Variants in HS6ST2 observed in about 807,000 individuals in gnomAD.
HS6ST2 encodes the protein heparan-sulfate 6-O-sulfotransferase 2.
A neutral mutation model predicts 33.0 loss-of-function variants in HS6ST2; 17 were observed. That is an observed-to-expected ratio of 0.52 (90% CI 0.35 to 0.77). The LOEUF is 0.77. HS6ST2 is among the 30% of genes least tolerant of loss of function. The pLI is 0.01. For missense variants in HS6ST2, 519 were observed against 551.7 expected (o/e 0.94, Z 0.59); for synonymous variants, 248 against 237.1 (o/e 1.05, Z -0.42).
In HS6ST2 at chrX:132,807,719, G is replaced by A. The variant is rs142683675; in HGVS notation, c.948-99225C>T. Among the ~76,000 whole-genome samples, 377 of 112,140 alleles carry A rather than the reference G, an allele frequency of 3.4e-3. 1 individual carries two copies. The highest frequency in any genetic ancestry group is 0.018 in the Middle Eastern group (4 of 217). On this transcript the variant is annotated intron_variant, in intron 2 of 4. Coordinates refer to ENST00000370833, the MANE Select transcript of HS6ST2 (RefSeq NM_001394073.1). ...AAAACTCTAGGAAAAGAAAAGTCAC[G>A]AGGCACGATTTTGGCTGAAATGCAA... is the stretch of plus-strand genomic sequence containing the variant.
rs775724295 is a variant in HS6ST2, at chrX:132,944,384, C to A, written c.947+12424G>T. On this transcript the variant is annotated intron_variant, in intron 2 of 4. Transcript: ENST00000370833. The stretch of plus-strand genomic sequence containing the variant: ...CAAACAAATGGAAGAACATTCCATG[C>A]TCATGGATAGGAAGAATCAATATTG... Among the ~76,000 whole-genome samples the A allele has an allele frequency of 2.2e-4, 24 of 111,584 alleles. No individual in the cohort carries two copies. The South Asian group carries it at 7.7e-3, about 36-fold the overall frequency.
At chrX:132,909,506 T>C (rs1162690364) in intron 2 of HS6ST2, among the ~76,000 whole-genome samples, 1 of 112,378 alleles carries the variant, frequency 8.9e-6, no homozygotes, top group Non-Finnish European at 1.9e-5. Flanking sequence ...TTAAGAGCTA[T>C]TGATTGGAAC....
intron 2 of HS6ST2, among the ~76,000 whole-genome samples, chrX:132,865,324 T>G (rs1362350338): frequency 9.0e-6 from 1 of 111,059 alleles, no homozygotes; most frequent in Admixed American, 9.6e-5. Flanking sequence ...TTTTTATGGC[T>G]GCATAGTATT....
intron 2 of HS6ST2, among the ~76,000 whole-genome samples, chrX:132,860,326 G>A (rs928890799): frequency 3.6e-5 from 4 of 112,066 alleles, no homozygotes; most frequent in Admixed American, 9.4e-5. Flanking sequence ...GGTATTTCAT[G>A]TTCATAAAAC....
At chrX:132,740,159 T>C (rs2064556179) in intron 2 of HS6ST2, among the ~76,000 whole-genome samples, 1 of 112,323 alleles carries the variant, frequency 8.9e-6, no homozygotes, top group African/African-American at 3.2e-5. Context: ...TCGTCAACCC[T>C]GGGAATTTTG....
intron 2 of HS6ST2, among the ~76,000 whole-genome samples, chrX:132,773,132 T>C (rs1181294640): frequency 2.0e-5 from 2 of 98,591 alleles, no homozygotes; most frequent in South Asian, 4.3e-4. Flanking sequence ...GATATTAATA[T>C]ATTAATCATG....
chrX:132,815,536 T>C (rs998724231), intron 2 of HS6ST2, among the ~76,000 whole-genome samples: 9 of 112,177 alleles, frequency 8.0e-5, no homozygotes, highest in African/African-American at 2.6e-4. Flanking sequence ...GAAGTTTGTA[T>C]TGTAATTAAC....
At chrX:132,802,239 A>T (rs949341229) in intron 2 of HS6ST2, among the ~76,000 whole-genome samples, 3 of 111,814 alleles carry the variant, frequency 2.7e-5, no homozygotes, top group African/African-American at 9.8e-5. Flanking sequence ...GAAAAATGAA[A>T]CCTTGGTTAT....
chrX:132,812,583 T>TG (rs35783156), intron 2 of HS6ST2, among the ~76,000 whole-genome samples: 1,115 of 99,991 alleles, frequency 0.011, 10 homozygotes, highest in Middle Eastern at 0.015. Context: ...TTTTTTTTTT[T>TG]GGGGGGGGGA....
At chrX:132,935,316 A>G in intron 2 of HS6ST2, among the ~76,000 whole-genome samples, 1 of 43 alleles carries the variant, frequency 0.023, no homozygotes, top group Admixed American at 0.17. Context: ...TCAGATGCAC[A>G]CAGACATTCT....
intron 2 of HS6ST2, among the ~76,000 whole-genome samples, chrX:132,928,997 A>T (rs1351591333): frequency 9.0e-6 from 1 of 111,633 alleles, no homozygotes; most frequent in East Asian, 2.8e-4. Flanking sequence ...ACTCTCCAAA[A>T]CCAAATGCCT....
intron 2 of HS6ST2, among the ~76,000 whole-genome samples, chrX:132,734,528 T>A (rs774292342): frequency 6.2e-5 from 7 of 112,129 alleles, no homozygotes; most frequent in Non-Finnish European, 1.3e-4. Context: ...TCACTCCCAC[T>A]TGTGAACTCT....
In HS6ST2 at chrX:132,719,775, G is replaced by A. The variant is rs899343887; in HGVS notation, c.948-11281C>T. On this transcript the variant is annotated intron_variant, in intron 2 of 4. Transcript: ENST00000370833. ...CATCTGCAAACCCAGATCTGACAAA[G>A]CCTTGGCTGATGCCTGATTCTCACT... Among the ~76,000 whole-genome samples, 3 of 112,607 alleles carry A rather than the reference G, an allele frequency of 2.7e-5. 1 individual carries two copies. The highest frequency in any genetic ancestry group is 9.4e-5 in the Admixed American group (1 of 10,684).
intron 4 of HS6ST2, among the ~76,000 whole-genome samples, chrX:132,654,046 T>C (rs933327231): frequency 1.1e-4 from 12 of 111,587 alleles, no homozygotes; most frequent in Non-Finnish European, 1.7e-4. Flanking sequence ...TCTGGGAATC[T>C]ACTACACAGC....
At chrX:132,843,882 T>C (rs745690773) in intron 2 of HS6ST2, among the ~76,000 whole-genome samples, 76 of 111,910 alleles carry the variant, frequency 6.8e-4, no homozygotes, top group Admixed American at 3.8e-3. Flanking sequence ...ATACAAATTG[T>C]GTCCTTATAT....
chrX:132,632,165 G>A (rs2063522656), intron 4 of HS6ST2, among the ~76,000 whole-genome samples: 1 of 111,372 alleles, frequency 9.0e-6, no homozygotes, highest in Admixed American at 9.5e-5. Flanking sequence ...GGTGATAACA[G>A]CCACCTAGAC....
chrX:132,874,566 C>T (rs1569499548), intron 2 of HS6ST2, among the ~76,000 whole-genome samples: 1 of 111,535 alleles, frequency 9.0e-6, no homozygotes, highest in Non-Finnish European at 1.9e-5. Context: ...AAGAGCAAGA[C>T]TCAGTCTAAA....
chrX:132,638,489 A>C (rs2063578549), intron 4 of HS6ST2, among the ~76,000 whole-genome samples: 1 of 112,069 alleles, frequency 8.9e-6, no homozygotes. Context: ...TTTTTGGCAC[A>C]TTTGTCACAA....
intron 2 of HS6ST2, among the ~76,000 whole-genome samples, chrX:132,915,529 T>G (rs1279431071): frequency 3.6e-5 from 4 of 111,329 alleles, no homozygotes; most frequent in African/African-American, 1.3e-4. Flanking sequence ...CTTGAGCCAA[T>G]TGCTTATCCT....
Sources: gnomAD v4.1 joint callset for allele counts (sites outside exome capture counted in the v4.1 genomes callset) on GRCh38, gnomAD v4.1.1 for gene constraint, MANE v1.5 for transcripts, NCBI Gene and HGNC (gene_info 2026-07-23, HGNC 2026-07-21) for gene names.